DNAAF9: variants seen among roughly 807,000 people sequenced by gnomAD.
DNAAF9 encodes the protein shulin.
Under a neutral mutation model 167.0 loss-of-function variants are expected in DNAAF9, and 90 were observed. The observed-to-expected ratio is 0.54, with a 90% CI of 0.45 to 0.64. The LOEUF (loss-of-function observed/expected upper bound fraction) is 0.64, where lower values mean the gene tolerates loss of function less well. Ranked by LOEUF, DNAAF9 falls within the 30% of genes least tolerant of loss-of-function variation. The pLI is 0.00. For missense variants in DNAAF9, 1,315 were observed against 1,442.2 expected, an observed-to-expected ratio of 0.91 and a Z score of 1.43; for synonymous variants, 491 against 508.8, an observed-to-expected ratio of 0.96 and a Z score of 0.47.
At chr20:3,271,791 T>C (rs1438152829) in intron 29 of DNAAF9, among the ~76,000 whole-genome samples, 2 of 152,036 alleles carry the variant, frequency 1.3e-5, no homozygotes, top group Non-Finnish European at 2.9e-5. Flanking sequence ...CCAGCTTATT[T>C]TGTATTTTTA....
intron 29 of DNAAF9, among the ~76,000 whole-genome samples, chr20:3,276,942 G>T (rs930655269): frequency 1.3e-5 from 2 of 152,044 alleles, no homozygotes; most frequent in African/African-American, 4.8e-5. Context: ...TCTTCACTTG[G>T]GCTCTGGACC....
intron 6 of DNAAF9, among the ~76,000 whole-genome samples, chr20:3,368,515 CTTT>C (rs147303892): frequency 3.1e-5 from 4 of 127,112 alleles, no homozygotes; most frequent in Non-Finnish European, 5.0e-5. Context: ...TTCCTGGAAG[CTTT>C]TTTTTTTTTT....
chr20:3,378,382 G>A (rs188424238), intron 3 of DNAAF9, among the ~76,000 whole-genome samples: 1 of 152,328 alleles, frequency 6.6e-6, no homozygotes, highest in East Asian at 1.9e-4. Context: ...GAGGAAGGAA[G>A]TAGAGGCCAG....
rs143253502 is a variant in DNAAF9 at position 3,361,029 on chromosome 20, C to T, written c.613-1436G>A. 6.3e-3 allele frequency among the ~76,000 whole-genome samples: 965 copies of T among 152,234 alleles called. 11 individuals carry two copies. The highest frequency in any genetic ancestry group is 0.021 in the African/African-American group (886 of 41,530). On this transcript the variant is annotated intron_variant, in intron 6 of 36. Transcript: ENST00000252032. ...GGCTGAGGACCCAATATTCATTTCCCAGGCTGGTGGAGAGTGAATAAGTAT... is the reference window on the plus strand; with the variant it reads ...GGCTGAGGACCCAATATTCATTTCCTAGGCTGGTGGAGAGTGAATAAGTAT...
At chr20:3,391,007 G>A (rs909018102) in intron 1 of DNAAF9, among the ~76,000 whole-genome samples, 3 of 152,078 alleles carry the variant, frequency 2.0e-5, no homozygotes, top group Non-Finnish European at 2.9e-5. Context: ...GAAAAGGTCA[G>A]GTGACCAAGA....
intron 33 of DNAAF9, 31 bp downstream of exon 33, chr20:3,259,449 G>A (rs2068339936): frequency 7.2e-7 from 1 of 1,383,908 alleles, no homozygotes. Context: ...ACTCCATGGT[G>A]TAGAGCTCCC....
chr20:3,384,999 C>T lies in DNAAF9; in HGVS notation c.84-2493G>A, dbSNP rs191854544. Among the ~76,000 whole-genome samples, 340 of 151,794 alleles carry T rather than the reference C, an allele frequency of 2.2e-3. 3 individuals carry two copies. The highest frequency in any genetic ancestry group is 3.6e-3 in the Non-Finnish European group (246 of 67,964). On this transcript the variant is annotated intron_variant, in intron 1 of 36. Transcript: ENST00000252032. ...ATGAATGTACCCTGAAAATGTGTGT[C>T]TCTATTATGCATCAATTAAAAAAAC...
At chr20:3,279,483 G>A (rs533675501) in intron 28 of DNAAF9, among the ~76,000 whole-genome samples, 11 of 152,326 alleles carry the variant, frequency 7.2e-5, no homozygotes, top group South Asian at 2.1e-4. Context: ...CTGATCCAAA[G>A]TGTGAGTTAC....
intron 21 of DNAAF9, among the ~76,000 whole-genome samples, chr20:3,301,313 G>A (rs1273136723): frequency 1.3e-5 from 2 of 151,856 alleles, no homozygotes; most frequent in Non-Finnish European, 2.9e-5. Flanking sequence ...TCAGTCTCCT[G>A]AGTACCTGGG....
At chr20:3,260,052 A>T in intron 31 of DNAAF9, 24 bp from the exon 32 acceptor site, 1 of 1,453,512 alleles carries the variant, frequency 6.9e-7, no homozygotes, top group Middle Eastern at 1.7e-4. Context: ...AAAAATTTTA[A>T]GTACAGGCCG....
At chr20:3,367,645 C>CA (rs2083447485) in intron 6 of DNAAF9, among the ~76,000 whole-genome samples, 1 of 151,946 alleles carries the variant, frequency 6.6e-6, no homozygotes, top group Non-Finnish European at 1.5e-5. Context: ...AGGGAACAGC[C>CA]AGTCAGTGAA....
At chr20:3,265,642 GGTT>G (rs969595955) in intron 30 of DNAAF9, among the ~76,000 whole-genome samples, 3 of 149,370 alleles carry the variant, frequency 2.0e-5, no homozygotes, top group South Asian at 2.1e-4. Flanking sequence ...TTTTTGGTGT[GGTT>G]GTTATTACTT....
At chr20:3,332,900 G>GGGGTGTGTGTGT (rs1555793067) in intron 10 of DNAAF9, among the ~76,000 whole-genome samples, 1 of 146,840 alleles carries the variant, frequency 6.8e-6, no homozygotes, top group Non-Finnish European at 1.5e-5. Flanking sequence ...GTGTGCGTGT[G>GGGGTGTGTGTGT]GTGTGTGTGT....
At chr20:3,338,054 CACAT>C (rs1179086736) in intron 10 of DNAAF9, among the ~76,000 whole-genome samples, 4 of 147,728 alleles carry the variant, frequency 2.7e-5, no homozygotes, top group East Asian at 2.0e-4. Context: ...AATATATGCA[CACAT>C]ACATAGTGTA....
chr20:3,268,008 T>C (rs951491147), intron 30 of DNAAF9, among the ~76,000 whole-genome samples: 1 of 151,972 alleles, frequency 6.6e-6, no homozygotes, highest in East Asian at 1.9e-4. Context: ...TACTTTGATA[T>C]ACAGATAGGT....
At chr20:3,376,741 G>C (rs2083580799) in intron 3 of DNAAF9, among the ~76,000 whole-genome samples, 1 of 152,210 alleles carries the variant, frequency 6.6e-6, no homozygotes, top group Non-Finnish European at 1.5e-5. Flanking sequence ...CTGGCAATTG[G>C]TTGAAAGAGT....
intron 31 of DNAAF9, among the ~76,000 whole-genome samples, chr20:3,260,316 G>A (rs940283428): frequency 3.9e-5 from 6 of 152,066 alleles, no homozygotes; most frequent in African/African-American, 9.7e-5. Context: ...TCCGCAGTCC[G>A]GCCTGGGCGA....
At chr20:3,391,024 C>A (rs1353570206) in intron 1 of DNAAF9, among the ~76,000 whole-genome samples, 1 of 152,136 alleles carries the variant, frequency 6.6e-6, no homozygotes, top group Non-Finnish European at 1.5e-5. Flanking sequence ...AAGAAAAAAA[C>A]AGCTCCCCAA....
chr20:3,338,470 C>T (rs931550058), intron 10 of DNAAF9, among the ~76,000 whole-genome samples: 1 of 152,004 alleles, frequency 6.6e-6, no homozygotes, highest in African/African-American at 2.4e-5. Context: ...TGGGATTTAT[C>T]CTGCTTGGTG....
Sources: gnomAD v4.1 joint callset for allele counts (sites outside exome capture counted in the v4.1 genomes callset) on GRCh38, gnomAD v4.1.1 for gene constraint, MANE v1.5 for transcripts, NCBI Gene and HGNC (gene_info 2026-07-23, HGNC 2026-07-21) for gene names.